SLC30A7: variants seen among roughly 807,000 people sequenced by gnomAD.
SLC30A7 encodes solute carrier family 30 member 7, also known as zinc transporter 7.
A neutral mutation model predicts 46.0 loss-of-function variants in SLC30A7; 35 were observed. The ratio of observed to expected loss-of-function variants is 0.76; its 90% CI spans 0.58 to 1.01. The LOEUF is 1.01. Among genes scored for constraint, SLC30A7 ranks in the 50% least tolerant of loss-of-function variants. The pLI is 0.00. For missense variants in SLC30A7, 464 were observed against 451.1 expected, an observed-to-expected ratio of 1.03 and a Z score of -0.26; for synonymous variants, 147 against 157.8, an observed-to-expected ratio of 0.93 and a Z score of 0.51.
At chr1:100,905,865 C>T (rs1248252951) in intron 2 of SLC30A7, among the ~76,000 whole-genome samples, 1 of 152,060 alleles carries the variant, frequency 6.6e-6, no homozygotes, top group African/African-American at 2.4e-5. Flanking sequence ...CTAATAGTTC[C>T]AACATTGGGG....
At chr1:100,993,592 A>ATATATATG in the SLC30A7 span, among the ~76,000 whole-genome samples, 1 of 131,194 alleles carries the variant, frequency 7.6e-6, no homozygotes, top group Non-Finnish European at 1.6e-5. Flanking sequence ...ATATATATAT[A>ATATATATG]TATATAGCTA....
At chr1:100,994,374 GCTC>G in the SLC30A7 span, among the ~76,000 whole-genome samples, 1 of 152,058 alleles carries the variant, frequency 6.6e-6, no homozygotes, top group Non-Finnish European at 1.5e-5. Flanking sequence ...CATTTCAAAT[GCTC>G]CTTAGTCACA....
intron 2 of SLC30A7, among the ~76,000 whole-genome samples, chr1:100,902,615 G>C (rs1651379087): frequency 6.6e-6 from 1 of 152,172 alleles, no homozygotes; most frequent in Non-Finnish European, 1.5e-5. Flanking sequence ...TCTTCTGAGA[G>C]CTCTGAGGAA....
At chr1:100,917,883 G>T (rs1303857337) in intron 6 of SLC30A7, among the ~76,000 whole-genome samples, 194 bp from the exon 7 acceptor site, 1 of 151,986 alleles carries the variant, frequency 6.6e-6, no homozygotes, top group Non-Finnish European at 1.5e-5. Flanking sequence ...TACTTTTGAT[G>T]AATTTTAAAA....
At chr1:100,972,353 CT>C (rs747083817) in intron 10 of SLC30A7, 9 of 231,242 alleles carry the variant, frequency 3.9e-5, no homozygotes, top group South Asian at 2.3e-4. Context: ...AGCAAAATGA[CT>C]TTTTTTTCTT....
chr1:100,896,376 C>A, intron 1 of SLC30A7, 34 bp downstream of exon 1: 1 of 1,610,186 alleles, frequency 6.2e-7, no homozygotes. Flanking sequence ...GAGGGGGTGT[C>A]CGGCAGAAAG....
intron 3 of SLC30A7, among the ~76,000 whole-genome samples, chr1:100,909,453 T>A (rs1460786559): frequency 6.6e-6 from 1 of 152,166 alleles, no homozygotes; most frequent in East Asian, 1.9e-4. Context: ...TATACATATG[T>A]ACCTATACTT....
At chr1:100,899,109 AGTT>A (rs1651144975) in intron 2 of SLC30A7, among the ~76,000 whole-genome samples, 1 of 152,208 alleles carries the variant, frequency 6.6e-6, no homozygotes, top group Non-Finnish European at 1.5e-5. Context: ...AACAATAGGT[AGTT>A]GTTGTGTGTT....
chr1:100,912,348 A>C (rs1652158970), intron 5 of SLC30A7, 110 bp downstream of exon 5: 2 of 1,213,752 alleles, frequency 1.6e-6, no homozygotes, highest in Non-Finnish European at 2.3e-6. Context: ...TCAACAGACT[A>C]TGTGAATATC....
At chr1:100,955,572 C>G (rs1558003061) in intron 8 of SLC30A7, among the ~76,000 whole-genome samples, 1 of 152,028 alleles carries the variant, frequency 6.6e-6, no homozygotes, top group Non-Finnish European at 1.5e-5. Context: ...CAAATGCTTA[C>G]TTTTTGGGTT....
chr1:100,904,533 CTT>C (rs969517075), intron 2 of SLC30A7, among the ~76,000 whole-genome samples: 1 of 141,324 alleles, frequency 7.1e-6, no homozygotes, highest in Admixed American at 7.0e-5. Flanking sequence ...ACAGTGACTT[CTT>C]TTTTTTTTTG....
intron 8 of SLC30A7, among the ~76,000 whole-genome samples, chr1:100,926,044 A>G (rs1653279182): frequency 6.6e-6 from 1 of 152,182 alleles, no homozygotes; most frequent in Admixed American, 6.5e-5. Flanking sequence ...ATAGTGCTTC[A>G]AGCAACCACA....
chr1:100,948,714 C>A (rs113373240), intron 8 of SLC30A7, among the ~76,000 whole-genome samples: 4 of 152,136 alleles, frequency 2.6e-5, no homozygotes, highest in Non-Finnish European at 5.9e-5. Context: ...TCACGTAGTC[C>A]TGTATTTCTT....
intron 5 of SLC30A7, among the ~76,000 whole-genome samples, chr1:100,913,044 C>T (rs1652226234): frequency 6.6e-6 from 1 of 151,986 alleles, no homozygotes; most frequent in African/African-American, 2.4e-5. Context: ...CACTCTTTTT[C>T]TGTCCTTTAG....
chr1:100,945,158 T>G (rs532202830), intron 8 of SLC30A7, among the ~76,000 whole-genome samples: 1 of 152,362 alleles, frequency 6.6e-6, no homozygotes, highest in Non-Finnish European at 1.5e-5. Flanking sequence ...TAAATTTGTT[T>G]TAAGTTCTTT....
chr1:100,986,722 C>G (rs548733572), downstream of SLC30A7, among the ~76,000 whole-genome samples: 27 of 152,256 alleles, frequency 1.8e-4, no homozygotes, highest in African/African-American at 6.3e-4. Flanking sequence ...AATGGATAAA[C>G]TGTAGTCTAT....
chr1:100,966,872 A>G (rs1655902998), intron 10 of SLC30A7, among the ~76,000 whole-genome samples: 1 of 152,196 alleles, frequency 6.6e-6, no homozygotes, highest in South Asian at 2.1e-4. Flanking sequence ...GTGACAGCAA[A>G]ACTATGGTCA....
chr1:100,921,641 A>T, intron 7 of SLC30A7, 65 bp from the exon 8 acceptor site: 1 of 1,326,154 alleles, frequency 7.5e-7, no homozygotes, highest in Non-Finnish European at 1.1e-6. Context: ...GTATAGCTCT[A>T]GGATATATTC....
chr1:100,957,115 C>CT (rs1440012358), intron 8 of SLC30A7, among the ~76,000 whole-genome samples: 2 of 152,142 alleles, frequency 1.3e-5, no homozygotes, highest in East Asian at 1.9e-4. Flanking sequence ...AACTTGGAGT[C>CT]TAACGACCTG....
Sources: allele counts gnomAD v4.1 joint callset (sites outside exome capture counted in the v4.1 genomes callset), GRCh38; gene constraint gnomAD v4.1.1; transcripts MANE v1.5; gene names NCBI Gene and HGNC (gene_info 2026-07-23, HGNC 2026-07-21).